FYB1: variants seen among roughly 807,000 people sequenced by gnomAD.
FYB1 encodes FYN-binding protein 1.
In FYB1, 41 loss-of-function variants were observed where a neutral mutation model predicts 94.1. The ratio of observed to expected loss-of-function variants is 0.44; its 90% confidence interval spans 0.34 to 0.57. The LOEUF is 0.57. FYB1 is among the 20% of genes least tolerant of loss of function. The probability of loss-of-function intolerance (pLI) is 0.02; values close to 1 mark genes in which losing one functional copy is unlikely to be tolerated. For synonymous variants in FYB1, 367 were observed against 353.2 expected (o/e 1.04, Z -0.44); for missense variants, 1,050 against 976.8 (o/e 1.07, Z -1.00).
intron 1 of FYB1, among the ~76,000 whole-genome samples, chr5:39,229,196 A>G (rs1750614178): frequency 6.6e-6 from 1 of 151,964 alleles, no homozygotes; most frequent in Non-Finnish European, 1.5e-5. Context: ...AGGGGCTGAT[A>G]CTCCCTTACT....
intron 2 of FYB1, among the ~76,000 whole-genome samples, chr5:39,171,633 T>C (rs761107065): frequency 6.6e-6 from 1 of 152,224 alleles, no homozygotes; most frequent in Non-Finnish European, 1.5e-5. Flanking sequence ...TCAGAAGTTA[T>C]TGCACTACTG....
At chr5:39,232,446 C>T (rs1750783325) in intron 1 of FYB1, among the ~76,000 whole-genome samples, 1 of 152,050 alleles carries the variant, frequency 6.6e-6, no homozygotes, top group African/African-American at 2.4e-5. Flanking sequence ...TGACAACGGA[C>T]CCAGCTGTCC....
intron 16 of FYB1, among the ~76,000 whole-genome samples, chr5:39,116,654 A>G (rs528106216): frequency 2.2e-4 from 34 of 152,188 alleles, no homozygotes; most frequent in African/African-American, 7.7e-4. Flanking sequence ...AATTTCTCTC[A>G]CTGGTGCCGT....
intron 1 of FYB1, among the ~76,000 whole-genome samples, chr5:39,226,122 C>A (rs925670490): frequency 2.6e-5 from 4 of 152,156 alleles, no homozygotes; most frequent in Non-Finnish European, 4.4e-5. Flanking sequence ...GACTGAAATG[C>A]GAGCTGAGGA....
chr5:39,265,097 A>G (rs58878430), intron 1 of FYB1, among the ~76,000 whole-genome samples: 16,341 of 152,198 alleles, frequency 0.11, 1,068 homozygotes, highest in African/African-American at 0.18. Flanking sequence ...GCACTTTGGG[A>G]GGCCGAGGTG....
At position 39,239,222 on chromosome 5, in the gene FYB1, G is replaced by A. The variant is rs554268278; in HGVS notation, c.-28+35181C>T. On this transcript the variant is annotated intron_variant, in intron 1 of 1. Transcript: ENST00000510188. ...CCAACATCATACTAAATGGGCAAAA[G>A]CTGGAAGCATTCCTTTTGAGAACCA... Among the ~76,000 whole-genome samples, 49 of 152,140 alleles carry A rather than the reference G, an allele frequency of 3.2e-4. 1 individual carries two copies. Among genetic ancestry groups the A allele is most frequent in the African/African-American group, 1.2e-3 (49 of 41,510 alleles).
At chr5:39,169,311 C>G (rs1745029621) in intron 2 of FYB1, 1 of 789,546 alleles carries the variant, frequency 1.3e-6, no homozygotes, top group Admixed American at 1.7e-5. Context: ...CACAAAAACT[C>G]ATGCTATGGG....
chr5:39,130,738 T>A (rs1741119069), intron 9 of FYB1, 126 bp from the exon 10 acceptor site: 1 of 733,950 alleles, frequency 1.4e-6, no homozygotes, highest in Non-Finnish European at 2.3e-6. Flanking sequence ...CTTAGAATGC[T>A]ATATGTAAAG....
chr5:39,231,686 C>G (rs1289708042), intron 1 of FYB1, among the ~76,000 whole-genome samples: 3 of 152,020 alleles, frequency 2.0e-5, no homozygotes, highest in African/African-American at 4.8e-5. Context: ...AGGAGGTGCT[C>G]AGACACTAAT....
intron 1 of FYB1, among the ~76,000 whole-genome samples, chr5:39,227,791 C>G (rs1750546803): frequency 6.6e-6 from 1 of 152,180 alleles, no homozygotes; most frequent in African/African-American, 2.4e-5. Flanking sequence ...AAAATTTCAA[C>G]TCCTTAATAA....
Position 39,235,937 on chromosome 5 carries a change from G to A in FYB1, c.-27-32950C>T, listed in dbSNP as rs79566589. Among the ~76,000 whole-genome samples the A allele has an allele frequency of 7.7e-3, 1,171 of 152,116 alleles. 26 individuals carry two copies. The highest frequency in any genetic ancestry group is 0.027 in the African/African-American group (1,111 of 41,516). On this transcript the variant is annotated intron_variant, in intron 1 of 1. Transcript: ENST00000510188. ...GCCACTGACCACATTTCACTATTGA[G>A]TACCTGAACTGTGCAATTGAGGAAC...
chr5:39,121,844 G>C (rs992637143), intron 14 of FYB1, among the ~76,000 whole-genome samples: 2 of 151,730 alleles, frequency 1.3e-5, no homozygotes, highest in African/African-American at 2.4e-5. Flanking sequence ...TTTTCATAAA[G>C]GAAACTATCT....
intron 9 of FYB1, among the ~76,000 whole-genome samples, chr5:39,132,502 A>C (rs1741290430): frequency 6.6e-6 from 1 of 152,192 alleles, no homozygotes; most frequent in African/African-American, 2.4e-5. Context: ...AAAACCCTAC[A>C]ACTCTTCCAA....
chr5:39,151,099 T>C (rs2150354985), intron 3 of FYB1, among the ~76,000 whole-genome samples: 1 of 152,294 alleles, frequency 6.6e-6, no homozygotes, highest in Non-Finnish European at 1.5e-5. Flanking sequence ...TTACTTCCTT[T>C]GAATCTTTGC....
intron 1 of FYB1, among the ~76,000 whole-genome samples, chr5:39,252,213 CAG>C (rs906607593): frequency 1.6e-4 from 24 of 151,750 alleles, no homozygotes; most frequent in Admixed American, 4.6e-4. Context: ...TGGCTCAAAA[CAG>C]AGTCATAATG....
intron 1 of FYB1, among the ~76,000 whole-genome samples, chr5:39,235,383 A>G (rs1579753890): frequency 6.6e-6 from 1 of 152,074 alleles, no homozygotes; most frequent in Non-Finnish European, 1.5e-5. Flanking sequence ...TCAGAGCACA[A>G]TTCAAAAATA....
chr5:39,272,418 A>G lies in FYB1; in HGVS notation c.-28+1985T>C, dbSNP rs1752690835. Among the ~76,000 whole-genome samples the G allele has an allele frequency of 2.0e-5, 3 of 151,950 alleles. No homozygotes were observed. In the South Asian group the frequency reaches 6.2e-4, roughly 32 times the overall value. ...GGTGGCTCATGCCTGTAATCCCTGC[A>G]CTTTGGGAGGCCGAGGCAGGCGGAT... On this transcript the variant is annotated intron_variant, in intron 1 of 1. Coordinates refer to the FYB1 transcript ENST00000510188.
intron 1 of FYB1, among the ~76,000 whole-genome samples, chr5:39,273,610 GAAGTAGCTTACAGAATGCAAAAT>G (rs1163366876): frequency 6.6e-6 from 1 of 152,338 alleles, no homozygotes; most frequent in African/African-American, 2.4e-5. Context: ...ATAGAAGGGA[GAAGTAGCTTACAGAATGCAAAAT>G]AAGTTATAAT....
chr5:39,194,622 T>C (rs1266531546), intron 2 of FYB1, among the ~76,000 whole-genome samples: 1 of 152,152 alleles, frequency 6.6e-6, no homozygotes, highest in Non-Finnish European at 1.5e-5. Context: ...CGGATGCTGC[T>C]GGGATAGGAA....
Sources: gnomAD v4.1 joint callset for allele counts (sites outside exome capture counted in the v4.1 genomes callset) on GRCh38, gnomAD v4.1.1 for gene constraint, MANE v1.5 for transcripts, NCBI Gene and HGNC (gene_info 2026-07-23, HGNC 2026-07-21) for gene names.